The following GMDS variants were observed in gnomAD, a reference collection of about 807,000 sequenced individuals.
GMDS encodes GDP-mannose 4,6 dehydratase.
A neutral mutation model predicts 49.9 loss-of-function variants in GMDS; 20 were observed. The ratio of observed to expected loss-of-function variants is 0.40; its 90% CI spans 0.28 to 0.58. GMDS has a LOEUF of 0.58. Ranked by LOEUF, GMDS falls within the 20% of genes least tolerant of loss-of-function variation. GMDS has a pLI of 0.42. For synonymous variants in GMDS, 177 were observed against 178.6 expected (o/e 0.99, Z 0.07); for missense variants, 362 against 481.4 (o/e 0.75, Z 2.32).
At chr6:1,867,901 G>A (rs1758517088) in intron 7 of GMDS, among the ~76,000 whole-genome samples, 1 of 152,144 alleles carries the variant, frequency 6.6e-6, no homozygotes, top group South Asian at 2.1e-4. Flanking sequence ...ATTTGTAGGT[G>A]TTCCTCGTGT....
chr6:2,224,658 T>C (rs1050025463), intron 1 of GMDS, among the ~76,000 whole-genome samples: 14 of 152,306 alleles, frequency 9.2e-5, no homozygotes, highest in Admixed American at 5.2e-4. Context: ...ATCATAAGTA[T>C]AGCATTTGTT....
chr6:1,687,708 G>T (rs555420536), intron 9 of GMDS, among the ~76,000 whole-genome samples: 1 of 152,126 alleles, frequency 6.6e-6, no homozygotes, highest in Admixed American at 6.5e-5. Flanking sequence ...GAGAAGCCAC[G>T]GAGGCTTCTC....
intron 1 of GMDS, among the ~76,000 whole-genome samples, chr6:2,168,463 A>G (rs1348085314): frequency 2.0e-5 from 3 of 152,250 alleles, no homozygotes; most frequent in African/African-American, 7.2e-5. Flanking sequence ...CTTACATGAT[A>G]TGAATGTCAG....
chr6:2,170,490 A>T (rs535801975), intron 1 of GMDS, among the ~76,000 whole-genome samples: 2 of 152,132 alleles, frequency 1.3e-5, no homozygotes, highest in South Asian at 4.1e-4. Flanking sequence ...AGATGGGCAT[A>T]GTGGTGCACA....
At chr6:1,900,224 C>G (rs1170663036) in intron 7 of GMDS, among the ~76,000 whole-genome samples, 1 of 152,144 alleles carries the variant, frequency 6.6e-6, no homozygotes, top group Non-Finnish European at 1.5e-5. Flanking sequence ...CCATGGAGTT[C>G]CAACATAGAG....
intron 7 of GMDS, among the ~76,000 whole-genome samples, chr6:1,753,108 A>G (rs916661910): frequency 6.6e-6 from 1 of 152,242 alleles, no homozygotes; most frequent in Non-Finnish European, 1.5e-5. Flanking sequence ...TAAAGAGTCA[A>G]GACCCATCGG....
chr6:1,680,082 T>C (rs899920884), intron 9 of GMDS, among the ~76,000 whole-genome samples: 1 of 152,222 alleles, frequency 6.6e-6, no homozygotes, highest in South Asian at 2.1e-4. Context: ...ATTTCACACA[T>C]TAGGCTAAGT....
intron 9 of GMDS, among the ~76,000 whole-genome samples, chr6:1,706,216 G>A (rs542199971): frequency 3.3e-5 from 5 of 152,254 alleles, no homozygotes; most frequent in South Asian, 4.1e-4. Flanking sequence ...AGATGTGTGC[G>A]GTGTGCTGGC....
chr6:1,647,066 G>A (rs1294477644), intron 9 of GMDS, among the ~76,000 whole-genome samples: 1 of 152,218 alleles, frequency 6.6e-6, no homozygotes, highest in African/African-American at 2.4e-5. Context: ...TTTGCATAAA[G>A]GTGACAAGGG....
intron 4 of GMDS, among the ~76,000 whole-genome samples, chr6:2,097,648 T>A (rs756314644): frequency 3.3e-5 from 5 of 152,062 alleles, no homozygotes; most frequent in Non-Finnish European, 7.4e-5. Context: ...AATCCATCCA[T>A]GTCATACTTT....
intron 4 of GMDS, among the ~76,000 whole-genome samples, chr6:2,089,469 C>A (rs1773195791): frequency 6.6e-6 from 1 of 151,358 alleles, no homozygotes; most frequent in Non-Finnish European, 1.5e-5. Context: ...AATAAAACAG[C>A]TACAAAAGTT....
At chr6:2,033,228 T>C (rs1040919970) in intron 4 of GMDS, among the ~76,000 whole-genome samples, 2 of 152,196 alleles carry the variant, frequency 1.3e-5, no homozygotes, top group East Asian at 1.9e-4. Context: ...CATTAACCAA[T>C]GCATAATAAT....
intron 7 of GMDS, among the ~76,000 whole-genome samples, chr6:1,919,726 G>A (rs979689768): frequency 1.3e-5 from 2 of 152,170 alleles, no homozygotes; most frequent in Non-Finnish European, 2.9e-5. Flanking sequence ...AGAAGCACAT[G>A]GAACCAAGTC....
intron 7 of GMDS, among the ~76,000 whole-genome samples, chr6:1,743,447 G>A (rs1317282598): frequency 1.3e-5 from 2 of 148,346 alleles, no homozygotes; most frequent in Non-Finnish European, 3.0e-5. Flanking sequence ...GGAGGCTGAG[G>A]CAGGAGAATG....
intron 1 of GMDS, among the ~76,000 whole-genome samples, chr6:2,233,466 A>G (rs549889796): frequency 6.6e-6 from 1 of 152,318 alleles, no homozygotes; most frequent in East Asian, 1.9e-4. Context: ...ATTTAACTCT[A>G]TGTGGAAGCA....
intron 9 of GMDS, among the ~76,000 whole-genome samples, chr6:1,697,708 T>A (rs1765393118): frequency 5.3e-5 from 8 of 152,226 alleles, no homozygotes; most frequent in Admixed American, 5.2e-4. Context: ...TGGGTTTGAA[T>A]GAGCCTTCTG....
intron 9 of GMDS, among the ~76,000 whole-genome samples, chr6:1,696,548 C>T (rs972170596): frequency 1.3e-5 from 2 of 152,232 alleles, no homozygotes; most frequent in Admixed American, 6.5e-5. Context: ...ACAGGGACAG[C>T]GCTTTCACAC....
At chr6:2,164,790 G>A (rs773026133) in intron 1 of GMDS, among the ~76,000 whole-genome samples, 1 of 152,198 alleles carries the variant, frequency 6.6e-6, no homozygotes, top group Non-Finnish European at 1.5e-5. Context: ...TTCTCCTTCA[G>A]GGCACACATA....
intron 4 of GMDS, among the ~76,000 whole-genome samples, chr6:1,975,047 A>AC (rs398109761): frequency 6.6e-6 from 1 of 150,802 alleles, no homozygotes; most frequent in African/African-American, 2.5e-5. Context: ...CAAAAAAAAA[A>AC]CAAAACAAAA....
Sources: allele counts gnomAD v4.1 joint callset (sites outside exome capture counted in the v4.1 genomes callset), GRCh38; gene constraint gnomAD v4.1.1; transcripts MANE v1.5; gene names NCBI Gene and HGNC (gene_info 2026-07-23, HGNC 2026-07-21).